The following GAS2 variants were observed in gnomAD, a reference collection of about 807,000 sequenced individuals.
GAS2 encodes growth arrest-specific protein 2.
A neutral mutation model predicts 37.5 loss-of-function variants in GAS2; 20 were observed. The ratio of observed to expected loss-of-function variants is 0.53; its 90% confidence interval spans 0.37 to 0.77. The LOEUF (loss-of-function observed/expected upper bound fraction) is 0.77. GAS2 is among the 30% of genes least tolerant of loss of function. The pLI is 0.00. For missense variants in GAS2, 336 were observed against 373.4 expected, an observed-to-expected ratio of 0.90 and a Z score of 0.82; for synonymous variants, 144 against 132.2, an observed-to-expected ratio of 1.09 and a Z score of -0.61.
intron 7 of GAS2, among the ~76,000 whole-genome samples, chr11:22,778,761 A>G (rs1424554711): frequency 1.3e-5 from 2 of 152,206 alleles, no homozygotes; most frequent in Non-Finnish European, 1.5e-5. Context: ...TGCCTTATTT[A>G]ATCCTGTTAA....
intron 2 of GAS2, among the ~76,000 whole-genome samples, chr11:22,681,747 G>A (rs953493336): frequency 2.6e-5 from 4 of 152,034 alleles, no homozygotes; most frequent in Non-Finnish European, 5.9e-5. Context: ...ACCTTTGTAT[G>A]ACTTTTACTT....
intron 7 of GAS2, among the ~76,000 whole-genome samples, chr11:22,789,422 T>TATATAAATATATATATATAAATATATATA (rs1564889813): frequency 2.6e-4 from 11 of 42,852 alleles, no homozygotes; most frequent in African/African-American, 1.2e-3. Flanking sequence ...GTATCTCATA[T>TATATAAATATATATATATAAATATATATA]GAGATATATA....
At chr11:22,764,527 A>T (rs1428812413) in intron 7 of GAS2, among the ~76,000 whole-genome samples, 1 of 143,318 alleles carries the variant, frequency 7.0e-6, no homozygotes, top group Non-Finnish European at 1.5e-5. Context: ...TCGCCGCTGC[A>T]CTCCAGCCTG....
chr11:22,632,946 C>A (rs2133806994), intron 1 of GAS2, among the ~76,000 whole-genome samples: 1 of 151,712 alleles, frequency 6.6e-6, no homozygotes, highest in Non-Finnish European at 1.5e-5. Flanking sequence ...TTTAGGAAAT[C>A]TTTCATTCAT....
intron 4 of GAS2, among the ~76,000 whole-genome samples, chr11:22,733,384 C>A (rs1852581234): frequency 6.6e-6 from 1 of 151,590 alleles, no homozygotes; most frequent in South Asian, 2.1e-4. Flanking sequence ...AGTTCCCTTA[C>A]TAAATAAAAG....
intron 7 of GAS2, among the ~76,000 whole-genome samples, chr11:22,789,423 GAGATATATATAT>G (rs1856009252): frequency 1.4e-5 from 1 of 71,164 alleles, no homozygotes; most frequent in Non-Finnish European, 2.6e-5. Context: ...TATCTCATAT[GAGATATATATAT>G]ATATATATAT....
At chr11:22,744,142 A>G (rs1174812331) in intron 5 of GAS2, among the ~76,000 whole-genome samples, 1 of 152,144 alleles carries the variant, frequency 6.6e-6, no homozygotes, top group Non-Finnish European at 1.5e-5. Context: ...TTGAATCGGT[A>G]GTAAAAAGCC....
intron 1 of GAS2, among the ~76,000 whole-genome samples, chr11:22,653,938 G>C (rs1848827078): frequency 6.6e-6 from 1 of 152,158 alleles, no homozygotes; most frequent in Non-Finnish European, 1.5e-5. Context: ...TGGGAACCCA[G>C]CCTCTATAAT....
At chr11:22,764,570 A>G (rs1001498083) in intron 7 of GAS2, among the ~76,000 whole-genome samples, 2 of 65,046 alleles carry the variant, frequency 3.1e-5, no homozygotes, top group African/African-American at 7.2e-5. Flanking sequence ...TCAAAAAAAA[A>G]AAAAAAAAAA....
At chr11:22,693,859 G>A (rs75360594) in intron 3 of GAS2, among the ~76,000 whole-genome samples, 1,862 of 152,176 alleles carry the variant, frequency 0.012, 26 homozygotes, top group East Asian at 0.062. Context: ...CTATAATTTG[G>A]CTCTAGTCTG....
At chr11:22,649,089 C>T (rs1848739780) in intron 1 of GAS2, among the ~76,000 whole-genome samples, 1 of 152,064 alleles carries the variant, frequency 6.6e-6, no homozygotes, top group Non-Finnish European at 1.5e-5. Flanking sequence ...GAAATACGTC[C>T]CATCAATACC....
At chr11:22,639,503 A>G (rs1286986715) in intron 1 of GAS2, among the ~76,000 whole-genome samples, 1 of 152,174 alleles carries the variant, frequency 6.6e-6, no homozygotes, top group East Asian at 1.9e-4. Context: ...CATAGATCTT[A>G]GTGGTATTTA....
intron 7 of GAS2, among the ~76,000 whole-genome samples, chr11:22,779,037 AGTTTTTT>A (rs1286473812): frequency 2.8e-5 from 4 of 145,390 alleles, no homozygotes; most frequent in Admixed American, 6.9e-5. Flanking sequence ...GATCCCATTA[AGTTTTTT>A]GTTTTTTTTT....
chr11:22,743,044 G>A lies in GAS2; in HGVS notation c.473+5276G>A, dbSNP rs1853178354. The stretch of plus-strand genomic sequence containing the variant: ...ACATAACCAAATTTTATAGCTTCCT[G>A]GAACTAAGATGGCAGAAAAGTTTAC... On this transcript the variant is annotated intron_variant, in intron 5 of 7. Coordinates refer to ENST00000454584, the MANE Select transcript of GAS2 (RefSeq NM_001143830.3). Among the ~76,000 whole-genome samples, 5 of 152,096 alleles carry A rather than the reference G, an allele frequency of 3.3e-5. No individual in the cohort carries two copies. In the South Asian group the frequency reaches 1.0e-3, roughly 32 times the overall value.
intron 7 of GAS2, among the ~76,000 whole-genome samples, chr11:22,773,486 C>T (rs1028834889): frequency 1.9e-4 from 28 of 144,322 alleles, no homozygotes; most frequent in South Asian, 2.2e-4. Context: ...CTCCGCCTCC[C>T]GGATTCACGC....
At chr11:22,750,802 G>A (rs750971858) in intron 6 of GAS2, among the ~76,000 whole-genome samples, 17 of 151,574 alleles carry the variant, frequency 1.1e-4, no homozygotes, top group Non-Finnish European at 2.2e-4. Context: ...TTTCCCTGGG[G>A]CAAATATACT....
chr11:22,663,908 G>A (rs751644369), upstream of GAS2, among the ~76,000 whole-genome samples: 52 of 152,104 alleles, frequency 3.4e-4, no homozygotes, highest in Non-Finnish European at 6.8e-4. Flanking sequence ...AGACTAAGAT[G>A]CTAGGTTGGG....
At chr11:22,753,322 C>A (rs1853849144) in intron 6 of GAS2, among the ~76,000 whole-genome samples, 1 of 152,078 alleles carries the variant, frequency 6.6e-6, no homozygotes, top group Admixed American at 6.6e-5. Flanking sequence ...ACCTCTCATA[C>A]AACTACAAAA....
chr11:22,694,525 A>G (rs78996958), intron 3 of GAS2, among the ~76,000 whole-genome samples: 1 of 152,300 alleles, frequency 6.6e-6, no homozygotes, highest in African/African-American at 2.4e-5. Flanking sequence ...TGAGTGACAT[A>G]GTGAAAAGTA....
Sources: gnomAD v4.1 joint callset for allele counts (sites outside exome capture counted in the v4.1 genomes callset) on GRCh38, gnomAD v4.1.1 for gene constraint, MANE v1.5 for transcripts, NCBI Gene and HGNC (gene_info 2026-07-23, HGNC 2026-07-21) for gene names.